CTNNA3: variants seen among roughly 807,000 people sequenced by gnomAD.
CTNNA3 encodes catenin alpha 3.
CTNNA3 carries 76 observed loss-of-function variants against 95.7 expected under a neutral mutation model. The ratio of observed to expected loss-of-function variants is 0.79; its 90% CI spans 0.66 to 0.96. The LOEUF (loss-of-function observed/expected upper bound fraction) is 0.96. Ranked by LOEUF, CTNNA3 falls within the 40% of genes least tolerant of loss-of-function variation. The probability of loss-of-function intolerance (pLI) is 0.00; values close to 1 mark genes in which losing one functional copy is unlikely to be tolerated. For missense variants in CTNNA3, 1,191 were observed against 1,089.8 expected, an observed-to-expected ratio of 1.09 and a Z score of -1.31; for synonymous variants, 431 against 374.4, an observed-to-expected ratio of 1.15 and a Z score of -1.74.
At chr10:67,529,343 G>A (rs1285719935) in intron 4 of CTNNA3, among the ~76,000 whole-genome samples, 1 of 151,832 alleles carries the variant, frequency 6.6e-6, no homozygotes, top group Non-Finnish European at 1.5e-5. Flanking sequence ...TTGAGGTGAT[G>A]GATATTCCAA....
intron 2 of CTNNA3, among the ~76,000 whole-genome samples, chr10:67,636,855 C>T: frequency 6.6e-6 from 1 of 152,096 alleles, no homozygotes; most frequent in Non-Finnish European, 1.5e-5. Context: ...ACACCAAAAC[C>T]CCATCTGTAC....
At chr10:67,636,171 C>A (rs1323356196) in intron 2 of CTNNA3, among the ~76,000 whole-genome samples, 1 of 152,040 alleles carries the variant, frequency 6.6e-6, no homozygotes, top group Non-Finnish European at 1.5e-5. Flanking sequence ...TCAGAGAGGA[C>A]ACAAACAAAC....
intron 13 of CTNNA3, among the ~76,000 whole-genome samples, chr10:66,237,379 A>G (rs370057002): frequency 6.6e-6 from 1 of 152,162 alleles, no homozygotes; most frequent in South Asian, 2.1e-4. Flanking sequence ...AAATAAAATC[A>G]TAATTGTTAA....
At chr10:67,206,731 G>C in intron 6 of CTNNA3, among the ~76,000 whole-genome samples, 1 of 150,316 alleles carries the variant, frequency 6.7e-6, no homozygotes, top group Admixed American at 6.6e-5. Context: ...CCTGATTCTA[G>C]AATCTAGATT....
At chr10:66,074,564 G>T (rs1026662426) in intron 14 of CTNNA3, among the ~76,000 whole-genome samples, 3 of 151,732 alleles carry the variant, frequency 2.0e-5, no homozygotes, top group Non-Finnish European at 2.9e-5. Context: ...CCCCCAATTT[G>T]TTGGTCCAAA....
chr10:66,671,334 AT>A (rs1002415029), intron 9 of CTNNA3, among the ~76,000 whole-genome samples: 12 of 152,212 alleles, frequency 7.9e-5, no homozygotes, highest in African/African-American at 2.6e-4. Context: ...TATTGAAATC[AT>A]TTTTTTAATA....
chr10:67,526,665 C>T (rs1840154293), intron 4 of CTNNA3, among the ~76,000 whole-genome samples: 2 of 152,054 alleles, frequency 1.3e-5, no homozygotes, highest in Admixed American at 6.6e-5. Context: ...CAATGAGCAA[C>T]ATACCAGACA....
chr10:66,124,435 C>G (rs1414941887), intron 13 of CTNNA3, among the ~76,000 whole-genome samples: 1 of 152,186 alleles, frequency 6.6e-6, no homozygotes, highest in African/African-American at 2.4e-5. Flanking sequence ...GTGTTCTAAA[C>G]TTTTCCACAC....
intron 1 of CTNNA3, among the ~76,000 whole-genome samples, chr10:67,726,657 T>G (rs866631785): frequency 0.026 from 2,171 of 82,614 alleles, 133 homozygotes; most frequent in African/African-American, 0.11. Flanking sequence ...CTATAATATA[T>G]TATATATTAT....
intron 15 of CTNNA3, among the ~76,000 whole-genome samples, chr10:66,001,242 C>T (rs1473197167): frequency 6.6e-6 from 1 of 152,122 alleles, no homozygotes; most frequent in Non-Finnish European, 1.5e-5. Flanking sequence ...TTACTTCTTT[C>T]TGTCTCTTAT....
At chr10:66,677,558 A>G (rs1002711599) in intron 9 of CTNNA3, among the ~76,000 whole-genome samples, 1 of 152,130 alleles carries the variant, frequency 6.6e-6, no homozygotes, top group Non-Finnish European at 1.5e-5. Flanking sequence ...GAGGTAATTG[A>G]ATCATGTGGG....
At chr10:66,811,079 A>C (rs1841856002) in intron 7 of CTNNA3, among the ~76,000 whole-genome samples, 1 of 152,182 alleles carries the variant, frequency 6.6e-6, no homozygotes, top group Admixed American at 6.6e-5. Flanking sequence ...GTTAAAAACT[A>C]AAGGTCAAAG....
intron 6 of CTNNA3, among the ~76,000 whole-genome samples, chr10:67,210,739 G>C (rs559961251): frequency 2.0e-5 from 3 of 151,296 alleles, no homozygotes; most frequent in South Asian, 4.2e-4. Flanking sequence ...TATGGGGGGG[G>C]GCTCAATAAA....
At chr10:67,440,489 AG>A (rs1263442602) in intron 5 of CTNNA3, among the ~76,000 whole-genome samples, 1 of 152,128 alleles carries the variant, frequency 6.6e-6, no homozygotes, top group Admixed American at 6.5e-5. Flanking sequence ...AGAATGAGCT[AG>A]TCAGTAGCCA....
chr10:66,886,307 T>C (rs1845042028), intron 7 of CTNNA3, among the ~76,000 whole-genome samples: 1 of 152,092 alleles, frequency 6.6e-6, no homozygotes, highest in Admixed American at 6.6e-5. Flanking sequence ...TCAGGCAGGA[T>C]AGACTAAAGA....
At chr10:66,798,331 G>A (rs2132225769) in intron 7 of CTNNA3, among the ~76,000 whole-genome samples, 1 of 151,762 alleles carries the variant, frequency 6.6e-6, no homozygotes, top group East Asian at 1.9e-4. Flanking sequence ...CTATTAACCT[G>A]TTTAGATTTA....
At chr10:66,953,110 T>G (rs1848622983) in intron 7 of CTNNA3, among the ~76,000 whole-genome samples, 1 of 152,144 alleles carries the variant, frequency 6.6e-6, no homozygotes, top group Non-Finnish European at 1.5e-5. Flanking sequence ...AAGTTTCTAT[T>G]CAGGTCTGAC....
At chr10:66,945,283 T>G (rs532747336) in intron 7 of CTNNA3, among the ~76,000 whole-genome samples, 1 of 152,360 alleles carries the variant, frequency 6.6e-6, no homozygotes, top group Non-Finnish European at 1.5e-5. Context: ...TTGTTGCAGC[T>G]TTTACATCAT....
intron 11 of CTNNA3, among the ~76,000 whole-genome samples, chr10:66,414,938 G>A (rs1241506374): frequency 6.6e-6 from 1 of 152,118 alleles, no homozygotes; most frequent in Non-Finnish European, 1.5e-5. Context: ...TTAGACACAA[G>A]TGACCACAGG....
Sources: allele counts gnomAD v4.1 joint callset (sites outside exome capture counted in the v4.1 genomes callset), GRCh38; gene constraint gnomAD v4.1.1; transcripts MANE v1.5; gene names NCBI Gene and HGNC (gene_info 2026-07-23, HGNC 2026-07-21).